The following DOCK2 variants were observed in gnomAD, a reference collection of about 807,000 sequenced individuals.
DOCK2 encodes the protein dedicator of cytokinesis protein 2.
Under a neutral mutation model 248.9 loss-of-function variants are expected in DOCK2, and 87 were observed. The observed-to-expected ratio is 0.35, with a 90% CI of 0.29 to 0.42. The LOEUF (loss-of-function observed/expected upper bound fraction) is 0.42, where lower values mean the gene tolerates loss of function less well. Among genes scored for constraint, DOCK2 ranks in the 10% least tolerant of loss-of-function variants. DOCK2 has a pLI of 1.00. For synonymous variants in DOCK2, 805 were observed against 821.6 expected, an observed-to-expected ratio of 0.98 and a Z score of 0.35; for missense variants, 1,747 against 2,300.2, an observed-to-expected ratio of 0.76 and a Z score of 4.92.
chr5:169,654,901 C>A (rs1758018982), intron 2 of DOCK2, among the ~76,000 whole-genome samples: 1 of 152,184 alleles, frequency 6.6e-6, no homozygotes, highest in South Asian at 2.1e-4. Context: ...ATGAAGGCAC[C>A]CAGCCCAGGG....
chr5:169,955,989 C>T (rs573852478), intron 27 of DOCK2, among the ~76,000 whole-genome samples: 2 of 151,350 alleles, frequency 1.3e-5, no homozygotes, highest in African/African-American at 2.4e-5. Flanking sequence ...CAGGGTGTGG[C>T]TCTGGAGCTC....
intron 27 of DOCK2, among the ~76,000 whole-genome samples, chr5:169,957,804 C>T (rs1357557041): frequency 1.3e-5 from 2 of 152,182 alleles, no homozygotes; most frequent in Non-Finnish European, 2.9e-5. Flanking sequence ...CCATGTACTG[C>T]TACTGTTCTT....
At chr5:169,786,670 G>A (rs2113031036) in intron 25 of DOCK2, among the ~76,000 whole-genome samples, 3 of 152,240 alleles carry the variant, frequency 2.0e-5, no homozygotes, top group Middle Eastern at 6.8e-3. Context: ...CACCGGCTCT[G>A]GAGTCCAAGT....
chr5:169,795,089 CTG>C (rs1283737373), intron 25 of DOCK2, among the ~76,000 whole-genome samples: 3 of 152,202 alleles, frequency 2.0e-5, no homozygotes, highest in Non-Finnish European at 4.4e-5. Context: ...CCTGCTGTCT[CTG>C]TGTTTCTAAA....
At chr5:169,757,960 A>T (rs919357963) in intron 23 of DOCK2, among the ~76,000 whole-genome samples, 45 of 152,204 alleles carry the variant, frequency 3.0e-4, no homozygotes, top group Non-Finnish European at 5.4e-4. Flanking sequence ...CTTCCAAGGT[A>T]ATTGACAATC....
At chr5:169,704,759 A>ATG (rs56289708) in intron 14 of DOCK2, among the ~76,000 whole-genome samples, 8,225 of 139,794 alleles carry the variant, frequency 0.059, 255 homozygotes, top group African/African-American at 0.083. Flanking sequence ...CTCCATATAT[A>ATG]TGTGTGTGTG....
intron 22 of DOCK2, among the ~76,000 whole-genome samples, chr5:169,736,676 A>G (rs370471198): frequency 3.1e-4 from 47 of 152,320 alleles, no homozygotes; most frequent in African/African-American, 1.1e-3. Flanking sequence ...TTAACTTTTA[A>G]CAAATTGCTC....
rs118144549 is a variant in DOCK2 at position 169,799,945 on chromosome 5, C to T, written c.2555-3113C>T. Reference sequence around the variant, plus strand: ...TCAGCCTCCTGAGTAGCTGGGACTACAGGCATCCATCACTATGCCCAGCTA... The same window carrying T: ...TCAGCCTCCTGAGTAGCTGGGACTATAGGCATCCATCACTATGCCCAGCTA... On this transcript the variant is annotated intron_variant, in intron 25 of 51. Coordinates refer to ENST00000520908, the MANE Select transcript of DOCK2 (RefSeq NM_004946.3). Among the ~76,000 whole-genome samples the T allele has an allele frequency of 2.2e-4, 34 of 152,218 alleles. No individual in the cohort carries two copies. In the East Asian group the frequency reaches 6.6e-3, roughly 29 times the overall value.
chr5:169,972,989 G>A (rs1428643402), intron 27 of DOCK2, among the ~76,000 whole-genome samples: 2 of 152,188 alleles, frequency 1.3e-5, no homozygotes, highest in Non-Finnish European at 2.9e-5. Context: ...ACAACTAGAG[G>A]AGGGAGGAAG....
chr5:169,884,232 G>A lies in DOCK2; in HGVS notation c.2799+43380G>A, dbSNP rs1047847917. ...GGTTTATCAAGGGAGGCTGGCACGC[G>A]GTTCTGATCTTGGAAGAAGCTGGCT... On this transcript the variant is annotated intron_variant, in intron 27 of 51. Coordinates refer to ENST00000520908, the MANE Select transcript of DOCK2 (RefSeq NM_004946.3). 4.6e-5 allele frequency: 9 copies of A among 195,476 alleles called. 1 individual carries two copies. The highest frequency in any genetic ancestry group is 1.2e-4 in the East Asian group (1 of 8,020). 12.1% of individuals were successfully genotyped at this position (195,476 alleles called of 1,614,324 possible). A position where few individuals can be genotyped will look rare whatever the true frequency, so the allele number is the denominator to read the frequency against.
intron 27 of DOCK2, among the ~76,000 whole-genome samples, chr5:169,915,961 T>C (rs969792983): frequency 6.6e-6 from 1 of 152,168 alleles, no homozygotes; most frequent in Non-Finnish European, 1.5e-5. Flanking sequence ...CTGAATTCTG[T>C]AAGATGATAA....
chr5:169,827,597 C>T (rs144626208), intron 26 of DOCK2, among the ~76,000 whole-genome samples: 366 of 152,228 alleles, frequency 2.4e-3, no homozygotes, highest in African/African-American at 8.2e-3. Context: ...GAGTGTGTTA[C>T]AGAAACTGGA....
chr5:169,694,536 C>T (rs1407307117), intron 9 of DOCK2, among the ~76,000 whole-genome samples: 2 of 152,216 alleles, frequency 1.3e-5, no homozygotes, highest in Non-Finnish European at 2.9e-5. Context: ...TTGGGGAAGC[C>T]TCTTATCTTC....
chr5:169,945,148 C>T (rs1261963134), intron 27 of DOCK2, among the ~76,000 whole-genome samples: 3 of 152,206 alleles, frequency 2.0e-5, no homozygotes, highest in African/African-American at 4.8e-5. Context: ...AATCCTCTGA[C>T]ATGGTTAAAA....
chr5:169,887,517 A>G (rs1773040872), intron 27 of DOCK2, among the ~76,000 whole-genome samples: 1 of 152,182 alleles, frequency 6.6e-6, no homozygotes, highest in Non-Finnish European at 1.5e-5. Context: ...CCTTTTGTTC[A>G]CTGAACAACC....
chr5:169,682,551 G>A (rs1184352414), intron 7 of DOCK2, among the ~76,000 whole-genome samples: 2 of 152,204 alleles, frequency 1.3e-5, no homozygotes, highest in African/African-American at 4.8e-5. Flanking sequence ...TTATTCCCAC[G>A]GATGGGAAAT....
intron 41 of DOCK2, among the ~76,000 whole-genome samples, chr5:170,050,758 G>C (rs1414873611): frequency 6.6e-6 from 1 of 152,188 alleles, no homozygotes; most frequent in East Asian, 1.9e-4. Context: ...CTGGTACAGA[G>C]TGACTCCCAG....
intron 27 of DOCK2, among the ~76,000 whole-genome samples, chr5:169,936,719 T>C (rs1012125571): frequency 1.3e-5 from 2 of 151,834 alleles, no homozygotes; most frequent in East Asian, 1.9e-4. Flanking sequence ...CCAGCCTATA[T>C]AGATTTGGTG....
chr5:169,982,312 T>C (rs1777964160), intron 27 of DOCK2, among the ~76,000 whole-genome samples: 2 of 152,240 alleles, frequency 1.3e-5, no homozygotes, highest in South Asian at 4.2e-4. Flanking sequence ...CACCCTGATA[T>C]GGACTGATAA....
Sources: allele counts gnomAD v4.1 joint callset (sites outside exome capture counted in the v4.1 genomes callset), GRCh38; gene constraint gnomAD v4.1.1; transcripts MANE v1.5; gene names NCBI Gene and HGNC (gene_info 2026-07-23, HGNC 2026-07-21).